Variants in RBM33 observed in about 807,000 individuals in gnomAD.
RBM33 encodes RNA-binding protein 33.
In RBM33, 28 loss-of-function variants were observed where a neutral mutation model predicts 132.6. That is an observed-to-expected ratio of 0.21 (90% CI 0.16 to 0.29). RBM33 has a LOEUF of 0.29. RBM33 is among the 10% of genes least tolerant of loss of function. The pLI, the probability that RBM33 is intolerant of heterozygous loss-of-function variation, is 1.00. For missense variants in RBM33, 1,291 were observed against 1,518.5 expected, an observed-to-expected ratio of 0.85 and a Z score of 2.49; for synonymous variants, 634 against 593.0, an observed-to-expected ratio of 1.07 and a Z score of -1.01.
intron 5 of RBM33, among the ~76,000 whole-genome samples, chr7:155,697,804 TG>T (rs1161621798): frequency 8.5e-5 from 13 of 152,290 alleles, no homozygotes; most frequent in African/African-American, 3.1e-4. Context: ...TGGACCTCTC[TG>T]TTTTTTTAAG....
chr7:155,697,601 G>A (rs1166872595), intron 5 of RBM33, among the ~76,000 whole-genome samples: 1 of 151,688 alleles, frequency 6.6e-6, no homozygotes, highest in African/African-American at 2.4e-5. Flanking sequence ...TGTGTGTGTG[G>A]TGTATGTGTT....
chr7:155,745,675 G>A lies in RBM33; in HGVS notation c.2979+73G>A, dbSNP rs946156469. The A allele has an allele frequency of 3.7e-6, 5 of 1,357,796 alleles. No individual in the cohort carries two copies. In the East Asian group the frequency reaches 1.0e-4, roughly 27 times the overall value. The allele number at this position is 1,357,796 out of a possible 1,614,324, so 84.1% of individuals were successfully genotyped here. A position where few individuals can be genotyped will look rare whatever the true frequency, so the allele number is the denominator to read the frequency against. On this transcript the variant is annotated intron_variant, in intron 14 of 17. Transcript: ENST00000401878. This position sits in a 1 kb window ranked among gnomAD's most constrained non-coding sequence, Gnocchi z 4.1. The stretch of plus-strand genomic sequence containing the variant: ...TAGAATGTCCTCATTTGCAGAGAAT[G>A]TTTTTGAAGAAAGAATTAAAAGTTA...
intron 7 of RBM33, among the ~76,000 whole-genome samples, chr7:155,707,862 G>C (rs1233405556): frequency 6.6e-6 from 1 of 152,186 alleles, no homozygotes; most frequent in African/African-American, 2.4e-5. Flanking sequence ...GTTTCACCAT[G>C]TTGGCCAGGG....
intron 4 of RBM33, among the ~76,000 whole-genome samples, chr7:155,679,899 G>C (rs1277773173): frequency 6.6e-6 from 1 of 152,028 alleles, no homozygotes; most frequent in Admixed American, 6.5e-5. Context: ...GCACCTTATT[G>C]TTTGGTATTT....
At chr7:155,772,243 G>T (rs78872262) in intron 16 of RBM33, among the ~76,000 whole-genome samples, 1,626 of 152,270 alleles carry the variant, frequency 0.011, 23 homozygotes, top group African/African-American at 0.037. Context: ...CCGGAGGCAC[G>T]GCTGCAGCAG....
At chr7:155,771,304 C>T (rs1379217108) in intron 16 of RBM33, among the ~76,000 whole-genome samples, 2 of 152,122 alleles carry the variant, frequency 1.3e-5, no homozygotes, top group African/African-American at 2.4e-5. Context: ...TAATAAATCA[C>T]GAATACTTGT....
chr7:155,686,244 C>T (rs1430807679), intron 5 of RBM33, among the ~76,000 whole-genome samples: 1 of 152,168 alleles, frequency 6.6e-6, no homozygotes, highest in Non-Finnish European at 1.5e-5. Context: ...GTGTCTTGTT[C>T]ATCACTGTAT....
chr7:155,703,743 C>T (rs1800032649), intron 6 of RBM33, among the ~76,000 whole-genome samples: 1 of 152,036 alleles, frequency 6.6e-6, no homozygotes, highest in Admixed American at 6.5e-5. Context: ...GAGATAATGC[C>T]TCAGTATTTG....
chr7:155,651,544 C>T (rs1409906595), intron 1 of RBM33, among the ~76,000 whole-genome samples: 1 of 141,962 alleles, frequency 7.0e-6, no homozygotes, highest in African/African-American at 2.6e-5. Context: ...CGCACCACTG[C>T]ACTCCAGCCT....
intron 14 of RBM33, among the ~76,000 whole-genome samples, chr7:155,752,124 T>A (rs1268660343): frequency 6.6e-6 from 1 of 152,228 alleles, no homozygotes; most frequent in Non-Finnish European, 1.5e-5. Flanking sequence ...CCATTACTCT[T>A]GGAACATGTC....
At chr7:155,654,007 T>C (rs1798425928) in intron 1 of RBM33, among the ~76,000 whole-genome samples, 1 of 152,198 alleles carries the variant, frequency 6.6e-6, no homozygotes, top group African/African-American at 2.4e-5. Flanking sequence ...TGCAGTATGA[T>C]TGTGCAATTT....
At chr7:155,663,264 C>T (rs1468257758) in intron 1 of RBM33, among the ~76,000 whole-genome samples, 1 of 150,746 alleles carries the variant, frequency 6.6e-6, no homozygotes, top group Non-Finnish European at 1.5e-5. Flanking sequence ...GCCATTCTCA[C>T]AGGGCTATAA....
intron 1 of RBM33, among the ~76,000 whole-genome samples, chr7:155,662,016 A>G (rs960531249): frequency 1.3e-5 from 2 of 151,986 alleles, no homozygotes; most frequent in African/African-American, 4.8e-5. Context: ...CCCCTGGGCT[A>G]ATTACTGTTA....
chr7:155,740,181 A>G (rs578083603), intron 12 of RBM33, among the ~76,000 whole-genome samples, 155 bp downstream of exon 12: 108 of 152,312 alleles, frequency 7.1e-4, no homozygotes, highest in Non-Finnish European at 2.5e-4. Flanking sequence ...CCATGTTTTA[A>G]AAAACACTCA....
intron 3 of RBM33, among the ~76,000 whole-genome samples, chr7:155,677,590 A>G (rs144925812): frequency 6.4e-4 from 97 of 152,322 alleles, no homozygotes; most frequent in African/African-American, 2.2e-3. Context: ...TAAACTGAGT[A>G]TGTATCCTGT....
At chr7:155,739,643 G>A (rs1158804772) in intron 11 of RBM33, 72 bp from the exon 12 acceptor site, 3 of 1,436,892 alleles carry the variant, frequency 2.1e-6, no homozygotes, top group Non-Finnish European at 2.8e-6. Flanking sequence ...GGTTTTTTAG[G>A]AAATGATTGA....
At chr7:155,674,627 T>G (rs1427785774) in intron 3 of RBM33, among the ~76,000 whole-genome samples, 1 of 152,194 alleles carries the variant, frequency 6.6e-6, no homozygotes, top group Non-Finnish European at 1.5e-5. Flanking sequence ...CTGTTATCAA[T>G]AAAGATGGAG....
At chr7:155,708,011 G>A (rs1172392374) in intron 7 of RBM33, among the ~76,000 whole-genome samples, 2 of 152,200 alleles carry the variant, frequency 1.3e-5, no homozygotes, top group African/African-American at 4.8e-5. Context: ...TTAGAAGTCA[G>A]TCTTCAAGGA....
In RBM33 at chr7:155,778,892, G is replaced by A. The variant is rs1802712973; in HGVS notation, c.*3851G>A. 6.5e-6 allele frequency: 1 copy of A among 153,188 alleles called. No individual in the cohort carries two copies. Among genetic ancestry groups the A allele is most frequent in the African/African-American group, 2.4e-5 (1 of 41,436 alleles). The allele number at this position is 153,188 out of a possible 1,614,324, so 9.5% of individuals were successfully genotyped here. A position where few individuals can be genotyped will look rare whatever the true frequency, so the allele number is the denominator to read the frequency against. On this transcript the variant is annotated 3_prime_UTR_variant, in exon 18 of 18. Coordinates refer to ENST00000401878, the MANE Select transcript of RBM33 (RefSeq NM_053043.3). The surrounding 1 kb of genome is among the most constrained non-coding windows in gnomAD (Gnocchi z 4.0). ...GTAATTGCACAGGACAAGGAGGTCA[G>A]CGTGTGTGATGGCAGCATGCTGTGC...
Sources: gnomAD v4.1 joint callset for allele counts (sites outside exome capture counted in the v4.1 genomes callset) on GRCh38, gnomAD v4.1.1 for gene constraint, Gnocchi (gnomAD v3.1) non-coding constraint, MANE v1.5 for transcripts, NCBI Gene and HGNC (gene_info 2026-07-23, HGNC 2026-07-21) for gene names.